SAFB: variants seen among roughly 807,000 people sequenced by gnomAD.
The protein encoded by SAFB is scaffold attachment factor B, also known as scaffold attachment factor B1.
A neutral mutation model predicts 101.6 loss-of-function variants in SAFB; 15 were observed. The ratio of observed to expected loss-of-function variants is 0.15; its 90% CI spans 0.10 to 0.23. SAFB has a LOEUF of 0.23. Ranked by LOEUF, SAFB falls within the 10% of genes least tolerant of loss-of-function variation. The probability of loss-of-function intolerance (pLI) is 1.00; values close to 1 mark genes in which losing one functional copy is unlikely to be tolerated. For synonymous variants in SAFB, 449 were observed against 407.5 expected (o/e 1.10, Z -1.23); for missense variants, 930 against 1,104.1 (o/e 0.84, Z 2.23).
At chr19:5,638,913 G>A (rs541392339) in intron 2 of SAFB, among the ~76,000 whole-genome samples, 104 of 151,440 alleles carry the variant, frequency 6.9e-4, no homozygotes, top group Non-Finnish European at 1.3e-3. Flanking sequence ...GTAGAGACGC[G>A]GTTTTGCCAT....
rs747968577 is a variant in SAFB, at chr19:5,641,883, G to A, written c.483G>A (p.Ser161=). Residue 161 remains serine, a synonymous_variant, in exon 4 of 21, where the codon TCG becomes TCA. Transcript: ENST00000588852. ...DDADNLQESL[S]DSRELVEGEM... ...CTGATAACCTCCAGGAGTCCCTGTC[G>A]GATAGTAGAGAGCTAGTCGAGGGGG... 5.6e-6 allele frequency: 9 copies of A among 1,614,168 alleles called. 1 individual carries two copies. Among genetic ancestry groups the A allele is most frequent in the East Asian group, 4.5e-5 (2 of 44,880 alleles).
chr19:5,659,583 G>T lies in SAFB; in HGVS notation c.1863-1935G>T, dbSNP rs186211721. Among the ~76,000 whole-genome samples the T allele has an allele frequency of 2.0e-5, 3 of 151,766 alleles. No individual in the cohort carries two copies. In the South Asian group the frequency reaches 6.2e-4, roughly 32 times the overall value. ...TTTTTAGTAGAGACGGGGTTTCACC[G>T]TGTTAGCCAGGATGGTCTCGATCTC... On this transcript the variant is annotated intron_variant, in intron 14 of 20. Transcript: ENST00000588852.
chr19:5,635,133 C>G (rs891389001), intron 2 of SAFB, among the ~76,000 whole-genome samples: 1 of 151,990 alleles, frequency 6.6e-6, no homozygotes, highest in Non-Finnish European at 1.5e-5. Context: ...AGCGAAACTC[C>G]ATCTCAAAAA....
At chr19:5,668,079 A>G (rs1361804939) in intron 20 of SAFB, 83 bp from the exon 21 acceptor site, 1 of 1,542,404 alleles carries the variant, frequency 6.5e-7, no homozygotes, top group South Asian at 1.2e-5. Context: ...GCCTGCAGGC[A>G]ACACTCAGGG....
intron 2 of SAFB, among the ~76,000 whole-genome samples, 184 bp from the exon 3 acceptor site, chr19:5,641,410 C>A (rs146582251): frequency 6.6e-6 from 1 of 151,766 alleles, no homozygotes; most frequent in South Asian, 2.1e-4. Flanking sequence ...AGAACCTCTT[C>A]TGCTTGGGGG....
intron 14 of SAFB, among the ~76,000 whole-genome samples, chr19:5,658,438 A>G (rs1405994755): frequency 6.6e-6 from 1 of 152,224 alleles, no homozygotes; most frequent in East Asian, 1.9e-4. Flanking sequence ...AGTGTCTCAC[A>G]TCTCAGCACT....
intron 14 of SAFB, among the ~76,000 whole-genome samples, chr19:5,657,668 G>A (rs1410499021): frequency 6.6e-6 from 1 of 152,022 alleles, no homozygotes; most frequent in Admixed American, 6.6e-5. Flanking sequence ...GGGACTATAG[G>A]CGTGCGCCAC....
chr19:5,648,246 A>G, intron 6 of SAFB: 1 of 563,238 alleles, frequency 1.8e-6, no homozygotes. Flanking sequence ...CTCACTTCTC[A>G]TTTTACAAAA....
At chr19:5,646,342 G>A (rs899040264) in intron 5 of SAFB, among the ~76,000 whole-genome samples, 2 of 152,148 alleles carry the variant, frequency 1.3e-5, no homozygotes, top group Non-Finnish European at 2.9e-5. Flanking sequence ...AGAAAACGTG[G>A]TGAAACCCAG....
chr19:5,657,007 G>A (rs932464950), intron 13 of SAFB, among the ~76,000 whole-genome samples: 4 of 151,938 alleles, frequency 2.6e-5, no homozygotes, highest in Non-Finnish European at 4.4e-5. Flanking sequence ...TCCTGACCTC[G>A]TGATCTGTCC....
intron 16 of SAFB, 70 bp from the exon 17 acceptor site, chr19:5,664,327 G>A: frequency 6.8e-7 from 1 of 1,472,524 alleles, no homozygotes; most frequent in Non-Finnish European, 9.5e-7. Flanking sequence ...TTCATTGGGG[G>A]CCTGATGGTC....
intron 14 of SAFB, among the ~76,000 whole-genome samples, chr19:5,659,141 CA>C (rs772619826): frequency 3.9e-3 from 501 of 130,076 alleles, no homozygotes; most frequent in African/African-American, 8.6e-3. Context: ...GACTCCGTCT[CA>C]AAAAAAAAAA....
chr19:5,623,282 C>A lies in SAFB; in HGVS notation c.77C>A (p.Thr26Asn). The A allele has an allele frequency of 6.2e-7, 1 of 1,612,996 alleles. No individual in the cohort carries two copies. The highest frequency in any genetic ancestry group is 2.2e-5 in the East Asian group (1 of 44,824). ...GCTCTGAGCTCCGCCTCGTCAGAGA[C>A]CGGGACGCGGCGCCTCAGCGACCTG... ...AAALSSASSE[T>N]GTRRLSDLRV... Residue 26 changes from threonine (T) to asparagine (N), a missense_variant, in exon 1 of 21, where the codon ACC (threonine) becomes AAC (asparagine). This residue lies in a region of SAFB where 44 missense variants were observed against 35.8 expected (regional missense o/e 1.23). Coordinates refer to ENST00000588852, the MANE Select transcript of SAFB (RefSeq NM_001201338.2).
At chr19:5,630,297 T>C (rs1055172928) in intron 2 of SAFB, among the ~76,000 whole-genome samples, 2 of 152,232 alleles carry the variant, frequency 1.3e-5, no homozygotes, top group Non-Finnish European at 2.9e-5. Flanking sequence ...TCATGCCCTT[T>C]GCCGATTTCT....
At chr19:5,632,680 A>G (rs980188578) in intron 2 of SAFB, among the ~76,000 whole-genome samples, 2 of 152,162 alleles carry the variant, frequency 1.3e-5, no homozygotes, top group African/African-American at 4.8e-5. Flanking sequence ...CCCGCCCCAT[A>G]ATAAGGATCA....
chr19:5,661,922 T>C (rs551374048), intron 15 of SAFB, 114 bp downstream of exon 15: 91 of 818,484 alleles, frequency 1.1e-4, no homozygotes, highest in Admixed American at 8.4e-4. Flanking sequence ...TCTTGCTTTG[T>C]CGCGGAGGCT....
intron 13 of SAFB, among the ~76,000 whole-genome samples, chr19:5,655,473 A>G (rs901462259): frequency 6.6e-6 from 1 of 151,578 alleles, no homozygotes; most frequent in African/African-American, 2.4e-5. Context: ...AAAAAAAAAA[A>G]AAAAAAACAC....
At chr19:5,656,253 T>C (rs1397368850) in intron 13 of SAFB, among the ~76,000 whole-genome samples, 1 of 152,100 alleles carries the variant, frequency 6.6e-6, no homozygotes, top group Admixed American at 6.5e-5. Flanking sequence ...TTCATTTTTT[T>C]ATTTTATTAT....
chr19:5,637,405 G>A (rs1483015110), intron 2 of SAFB, among the ~76,000 whole-genome samples: 1 of 151,064 alleles, frequency 6.6e-6, no homozygotes, highest in Admixed American at 6.6e-5. Flanking sequence ...TGTAATCCCA[G>A]CACTTTGAGA....
Sources: allele counts gnomAD v4.1 joint callset (sites outside exome capture counted in the v4.1 genomes callset), GRCh38; gene constraint gnomAD v4.1.1; regional missense constraint gnomAD v4.1.1; transcripts MANE v1.5; gene names NCBI Gene and HGNC (gene_info 2026-07-23, HGNC 2026-07-21).